The following UST variants were observed in gnomAD, a reference collection of about 807,000 sequenced individuals.
UST encodes uronyl 2-sulfotransferase, also known as chondroitin sulfate 2-O-sulfotransferase.
In UST, 21 loss-of-function variants were observed where a neutral mutation model predicts 45.6. The ratio of observed to expected loss-of-function variants is 0.46; its 90% CI spans 0.33 to 0.66. The LOEUF (loss-of-function observed/expected upper bound fraction) is 0.66, where lower values mean the gene tolerates loss of function less well. Ranked by LOEUF, UST falls within the 30% of genes least tolerant of loss-of-function variation. The pLI, the probability that UST is intolerant of heterozygous loss-of-function variation, is 0.02. For missense variants in UST, 463 were observed against 512.4 expected (o/e 0.90, Z 0.93); for synonymous variants, 215 against 200.6 (o/e 1.07, Z -0.61).
intron 7 of UST, among the ~76,000 whole-genome samples, chr6:149,064,694 G>A (rs367562396): frequency 9.8e-4 from 149 of 152,170 alleles, no homozygotes; most frequent in African/African-American, 3.4e-3. Context: ...CATAAAACTC[G>A]ACTTTCTATA....
intron 1 of UST, among the ~76,000 whole-genome samples, chr6:148,835,202 A>G (rs962603245): frequency 1.1e-4 from 17 of 152,232 alleles, no homozygotes; most frequent in Non-Finnish European, 4.4e-5. Flanking sequence ...AACTATTAAT[A>G]CATAGCATTT....
At chr6:149,017,797 T>C (rs867453443) in intron 5 of UST, among the ~76,000 whole-genome samples, 12 of 59,452 alleles carry the variant, frequency 2.0e-4, no homozygotes, top group African/African-American at 6.5e-4. Context: ...AATATCCATA[T>C]ATACACACAC....
intron 1 of UST, among the ~76,000 whole-genome samples, chr6:148,770,122 G>T (rs546690603): frequency 1.3e-5 from 2 of 151,710 alleles, no homozygotes; most frequent in Non-Finnish European, 2.9e-5. Flanking sequence ...TGACATAAAG[G>T]TTCTTGCAAG....
At chr6:149,048,534 C>CAAA (rs11333695) in intron 7 of UST, among the ~76,000 whole-genome samples, 1 of 129,552 alleles carries the variant, frequency 7.7e-6, no homozygotes, top group African/African-American at 2.8e-5. Context: ...AGACTGTCTC[C>CAAA]AAAAAAAAAA....
At position 148,790,055 on chromosome 6, in the gene UST, T is replaced by C. The variant is rs1361598731; in HGVS notation, c.247+42378T>C. 6.6e-6 allele frequency among the ~76,000 whole-genome samples: 1 copy of C among 152,000 alleles called. No homozygotes were observed. Among genetic ancestry groups the C allele is most frequent in the African/African-American group, 2.4e-5 (1 of 41,356 alleles). ...TTTTGTCTGGGAAGGCTGATTTCTT[T>C]AGCTCTTTTCTTTCTCTGGGAATAA... On this transcript the variant is annotated intron_variant, in intron 1 of 7. Transcript: ENST00000367463. This position sits in a 1 kb window ranked among gnomAD's most constrained non-coding sequence, Gnocchi z 4.2.
At chr6:149,033,406 T>G (rs1776186164) in intron 7 of UST, among the ~76,000 whole-genome samples, 1 of 152,288 alleles carries the variant, frequency 6.6e-6, no homozygotes, top group Non-Finnish European at 1.5e-5. Context: ...CTGTATATTT[T>G]TCATGTCTCA....
At chr6:148,941,955 A>G (rs1780135706) in intron 3 of UST, among the ~76,000 whole-genome samples, 1 of 152,150 alleles carries the variant, frequency 6.6e-6, no homozygotes, top group Non-Finnish European at 1.5e-5. Context: ...CTTCACAGGA[A>G]CAATTTTGCC....
At chr6:148,819,617 A>T (rs1777417833) in intron 1 of UST, among the ~76,000 whole-genome samples, 1 of 152,234 alleles carries the variant, frequency 6.6e-6, no homozygotes, top group African/African-American at 2.4e-5. Flanking sequence ...ACAAGTTAAG[A>T]ACTGGAGTTG....
chr6:148,765,131 T>C (rs535657690), intron 1 of UST, among the ~76,000 whole-genome samples: 1 of 152,350 alleles, frequency 6.6e-6, no homozygotes, highest in South Asian at 2.1e-4. Flanking sequence ...CCTTGTTCCC[T>C]GAAAATCGCT....
rs1286247518 is a variant in UST, at chr6:149,076,885, T to C, written c.*2769T>C. On this transcript the variant is annotated 3_prime_UTR_variant, in exon 8 of 8. Transcript: ENST00000367463. ...AAAAGTGCTTGTAAATCTTTTTTTTTTTTTAAGAAGAAAGAAAAAAATGGT... is the reference window on the plus strand; with the variant it reads ...AAAAGTGCTTGTAAATCTTTTTTTTCTTTTAAGAAGAAAGAAAAAAATGGT... 1.3e-5 allele frequency: 2 copies of C among 152,478 alleles called. No homozygotes were observed. The highest frequency in any genetic ancestry group is 1.5e-5 in the Non-Finnish European group (1 of 68,032). 9.4% of individuals were successfully genotyped at this position (152,478 alleles called of 1,614,324 possible).
chr6:148,935,364 G>T (rs1255405930), intron 2 of UST, among the ~76,000 whole-genome samples: 2 of 152,232 alleles, frequency 1.3e-5, no homozygotes, highest in African/African-American at 4.8e-5. Context: ...TCACTTGGGG[G>T]AGGGAGAGGG....
intron 1 of UST, among the ~76,000 whole-genome samples, chr6:148,851,812 C>T (rs929642784): frequency 2.0e-4 from 30 of 152,316 alleles, no homozygotes; most frequent in Admixed American, 1.9e-3. Context: ...TCACTAAAGC[C>T]GAGGGGAGCC....
At chr6:149,038,685 G>A (rs2115029852) in intron 7 of UST, among the ~76,000 whole-genome samples, 1 of 152,290 alleles carries the variant, frequency 6.6e-6, no homozygotes, top group East Asian at 1.9e-4. Flanking sequence ...GACCTGGAGG[G>A]TCCGTTCGCA....
intron 1 of UST, among the ~76,000 whole-genome samples, chr6:148,750,574 A>T (rs533012841): frequency 5.2e-4 from 79 of 152,320 alleles, no homozygotes; most frequent in African/African-American, 1.9e-3. Context: ...ATTGCATAGC[A>T]CTATGGGCAG....
chr6:148,779,861 G>GT (rs1384246668), intron 1 of UST, among the ~76,000 whole-genome samples: 5 of 152,090 alleles, frequency 3.3e-5, no homozygotes, highest in South Asian at 2.1e-4. Context: ...GTTTCTCAGT[G>GT]TTTTTTCCCC....
chr6:148,945,953 A>T (rs943133063), intron 3 of UST, among the ~76,000 whole-genome samples: 1 of 152,196 alleles, frequency 6.6e-6, no homozygotes, highest in Non-Finnish European at 1.5e-5. Context: ...GAAGAGTTAT[A>T]TAAAGGGTGG....
intron 1 of UST, among the ~76,000 whole-genome samples, chr6:148,766,321 A>G (rs1582797474): frequency 1.3e-5 from 2 of 151,014 alleles, no homozygotes; most frequent in East Asian, 1.9e-4. Context: ...TCAGAGACAC[A>G]TGTTCTCCTA....
At chr6:148,812,793 T>C (rs1203439730) in intron 1 of UST, among the ~76,000 whole-genome samples, 2 of 152,238 alleles carry the variant, frequency 1.3e-5, no homozygotes, top group Non-Finnish European at 2.9e-5. Flanking sequence ...ATTTTATTGG[T>C]CGCACAGACC....
chr6:148,781,086 G>T (rs1353359952), intron 1 of UST, among the ~76,000 whole-genome samples: 3 of 152,120 alleles, frequency 2.0e-5, no homozygotes, highest in African/African-American at 7.2e-5. Context: ...AGGAAAAGTT[G>T]CACATTTCTC....
Sources: allele counts gnomAD v4.1 joint callset (sites outside exome capture counted in the v4.1 genomes callset), GRCh38; gene constraint gnomAD v4.1.1; non-coding constraint Gnocchi (gnomAD v3.1); transcripts MANE v1.5; gene names NCBI Gene and HGNC (gene_info 2026-07-23, HGNC 2026-07-21).